The following ASAP3 variants were observed in gnomAD, a reference collection of about 807,000 sequenced individuals.
ASAP3 encodes arf-GAP with SH3 domain, ANK repeat and PH domain-containing protein 3.
In ASAP3, 85 loss-of-function variants were observed where a neutral mutation model predicts 118.2. The ratio of observed to expected loss-of-function variants is 0.72; its 90% CI spans 0.60 to 0.86. ASAP3 has a LOEUF of 0.86. ASAP3 is among the 40% of genes least tolerant of loss of function. The pLI is 0.00. For synonymous variants in ASAP3, 432 were observed against 477.4 expected (o/e 0.90, Z 1.24); for missense variants, 1,026 against 1,175.0 (o/e 0.87, Z 1.85).
rs1370816480 is a variant in ASAP3, at chr1:23,434,334, G to A, written c.1871C>T (p.Thr624Met). ...HLDAKAADGN[T>M]ALHYAALYNQ... ...GTAGAGTGCTGCGTAGTGCAGAGCC[G>A]TGTTCCCGTCAGCAGCCTTGGCATC... The change falls in exon 19 of 25, where the codon ACG (threonine) becomes ATG (methionine). Residue 624 changes from threonine (T) to methionine (M), a missense_variant. Coordinates refer to ENST00000336689, the MANE Select transcript of ASAP3 (RefSeq NM_017707.4). The A allele has an allele frequency of 1.4e-5, 23 of 1,614,098 alleles. No homozygotes were observed. The highest frequency in any genetic ancestry group is 1.1e-4 in the East Asian group (5 of 44,902).
intron 21 of ASAP3, 68 bp from the exon 22 acceptor site, chr1:23,433,340 C>G: frequency 6.2e-7 from 1 of 1,611,296 alleles, no homozygotes; most frequent in Non-Finnish European, 8.5e-7. Context: ...CCCCCCGCCT[C>G]ACCGCCCCCG....
At chr1:23,479,904 G>A (rs1381729792) in intron 1 of ASAP3, 1 of 152,244 alleles carries the variant, frequency 6.6e-6, no homozygotes, top group Non-Finnish European at 1.5e-5. Flanking sequence ...GCCGAGCATA[G>A]TGGCTCACGC....
intron 1 of ASAP3, among the ~76,000 whole-genome samples, chr1:23,473,685 G>A (rs1642029410): frequency 6.6e-6 from 1 of 152,210 alleles, no homozygotes; most frequent in African/African-American, 2.4e-5. Flanking sequence ...CACTAGGCAA[G>A]GAAGTGAGCA....
At position 23,441,705 on chromosome 1, in the gene ASAP3, C is replaced by A; in HGVS notation, c.697G>T (p.Ala233Ser). ...HNFFQDGWKA[A>S]QSLFPFIEKL... ...TCGATGAAGGGGAACAGGCTCTGGG[C>A]AGCCTTCCAGCCATCTTGGAAAAAG... Residue 233 changes from alanine to serine, a missense_variant, in exon 8 of 25, where the codon GCC becomes TCC. Coordinates refer to ENST00000336689, the MANE Select transcript of ASAP3 (RefSeq NM_017707.4). 6.2e-7 allele frequency: 1 copy of A among 1,614,192 alleles called. No homozygotes were observed. The highest frequency in any genetic ancestry group is 8.5e-7 in the Non-Finnish European group (1 of 1,180,040).
intron 10 of ASAP3, 152 bp from the exon 11 acceptor site, chr1:23,439,382 C>G: frequency 1.5e-6 from 1 of 683,396 alleles, no homozygotes. Context: ...CCCCTGACCC[C>G]TGACTCTCTG....
intron 1 of ASAP3, among the ~76,000 whole-genome samples, chr1:23,473,933 G>C (rs1319657854): frequency 6.8e-6 from 1 of 146,876 alleles, no homozygotes; most frequent in Non-Finnish European, 1.5e-5. Flanking sequence ...CCTCAAATCA[G>C]TCCAGGATGG....
At chr1:23,453,588 C>T (rs866975500) in intron 3 of ASAP3, among the ~76,000 whole-genome samples, 9 of 152,222 alleles carry the variant, frequency 5.9e-5, no homozygotes, top group Non-Finnish European at 1.3e-4. Context: ...CTAATGAATT[C>T]CCTTTTAAAA....
chr1:23,464,482 C>T (rs912954621), intron 1 of ASAP3, among the ~76,000 whole-genome samples: 18 of 151,364 alleles, frequency 1.2e-4, no homozygotes, highest in Admixed American at 4.6e-4. Context: ...GCACTGCACC[C>T]GACCATTACA....
At chr1:23,468,101 G>A (rs948007089) in intron 1 of ASAP3, among the ~76,000 whole-genome samples, 4 of 152,194 alleles carry the variant, frequency 2.6e-5, no homozygotes, top group Admixed American at 2.6e-4. Flanking sequence ...TCTGGCTGAT[G>A]AGTCAGCGAG....
intron 20 of ASAP3, 25 bp from the exon 21 acceptor site, chr1:23,433,557 T>G: frequency 1.2e-6 from 2 of 1,614,090 alleles, no homozygotes; most frequent in Non-Finnish European, 1.7e-6. Flanking sequence ...GGCTTGGTGG[T>G]TCAGAGGGTT....
At chr1:23,430,622 C>T (rs1640391289) in intron 24 of ASAP3, among the ~76,000 whole-genome samples, 1 of 152,220 alleles carries the variant, frequency 6.6e-6, no homozygotes, top group Non-Finnish European at 1.5e-5. Flanking sequence ...GATGCCTTCT[C>T]TGAGCGACTG....
chr1:23,443,552 TTTTC>T (rs1413336971), intron 5 of ASAP3, among the ~76,000 whole-genome samples: 4 of 152,130 alleles, frequency 2.6e-5, no homozygotes, highest in East Asian at 1.9e-4. Context: ...TGTTCTTTTA[TTTTC>T]TTTTTCTTTC....
intron 5 of ASAP3, among the ~76,000 whole-genome samples, chr1:23,444,441 C>T (rs547778136): frequency 6.6e-6 from 1 of 152,318 alleles, no homozygotes; most frequent in Admixed American, 6.5e-5. Context: ...GGGGGCCAGC[C>T]CTGAGCAGAG....
At chr1:23,466,594 C>G (rs77504080) in intron 1 of ASAP3, among the ~76,000 whole-genome samples, 9 of 152,228 alleles carry the variant, frequency 5.9e-5, no homozygotes. Flanking sequence ...GATGGCAGCA[C>G]TAGGCCATGC....
intron 5 of ASAP3, among the ~76,000 whole-genome samples, 196 bp downstream of exon 5, chr1:23,451,283 A>G (rs1641206878): frequency 6.6e-6 from 1 of 152,168 alleles, no homozygotes; most frequent in Non-Finnish European, 1.5e-5. Context: ...TCCCTTCACA[A>G]TAGCTCCTTT....
chr1:23,481,509 ACT>A (rs983751943), intron 1 of ASAP3, among the ~76,000 whole-genome samples: 1 of 152,126 alleles, frequency 6.6e-6, no homozygotes, highest in Non-Finnish European at 1.5e-5. Flanking sequence ...CAAAGTTCAG[ACT>A]CTAACTTTTT....
At chr1:23,441,874 A>T in intron 7 of ASAP3, 144 bp from the exon 8 acceptor site, 2 of 840,668 alleles carry the variant, frequency 2.4e-6, no homozygotes, top group Non-Finnish European at 3.8e-6. Context: ...CACTCCATAG[A>T]CAAGAGTCTC....
intron 1 of ASAP3, among the ~76,000 whole-genome samples, chr1:23,478,714 C>A (rs900268379): frequency 4.6e-5 from 7 of 151,708 alleles, no homozygotes; most frequent in Admixed American, 1.3e-4. Context: ...GAGCTGAGAT[C>A]GTGCCACTGC....
At chr1:23,454,564 A>G (rs1195156027) in intron 3 of ASAP3, among the ~76,000 whole-genome samples, 1 of 152,150 alleles carries the variant, frequency 6.6e-6, no homozygotes, top group Admixed American at 6.5e-5. Context: ...AGCGATCCAC[A>G]CACCTCAGGC....
Sources: allele counts gnomAD v4.1 joint callset (sites outside exome capture counted in the v4.1 genomes callset), GRCh38; gene constraint gnomAD v4.1.1; transcripts MANE v1.5; gene names NCBI Gene and HGNC (gene_info 2026-07-23, HGNC 2026-07-21).